TRIO: variants seen among roughly 807,000 people sequenced by gnomAD.
TRIO encodes the protein trio Rho guanine nucleotide exchange factor.
In TRIO, 58 loss-of-function variants were observed where a neutral mutation model predicts 351.9. That is an observed-to-expected ratio of 0.16 (90% CI 0.13 to 0.21). The LOEUF (loss-of-function observed/expected upper bound fraction) is 0.21, where lower values mean the gene tolerates loss of function less well. Ranked by LOEUF, TRIO falls within the 10% of genes least tolerant of loss-of-function variation. The pLI, the probability that TRIO is intolerant of heterozygous loss-of-function variation, is 1.00. For synonymous variants in TRIO, 1,758 were observed against 1,595.7 expected, an observed-to-expected ratio of 1.10 and a Z score of -2.42; for missense variants, 3,201 against 4,027.8, an observed-to-expected ratio of 0.79 and a Z score of 5.56.
rs1317934740 is a variant in TRIO, at chr5:14,286,800, C to T, written c.348-71C>T. ...GGAGGGAAGCTGGGTCTGTGGCACC[C>T]AGTGGGACTCTGACCAGGCAGAGTG... On this transcript the variant is annotated intron_variant, in intron 3 of 56. Transcript: ENST00000344204. This position sits in a 1 kb window ranked among gnomAD's most constrained non-coding sequence, Gnocchi z 4.4. 6.6e-7 allele frequency: 1 copy of T among 1,523,734 alleles called. No individual in the cohort carries two copies. The highest frequency in any genetic ancestry group is 8.9e-7 in the Non-Finnish European group (1 of 1,126,950). The allele number at this position is 1,523,734 out of a possible 1,614,324, so 94.4% of individuals were successfully genotyped here. A position where few individuals can be genotyped will look rare whatever the true frequency, so the allele number is the denominator to read the frequency against.
rs752250789 is a variant in TRIO at position 14,498,126 on chromosome 5, G to T, written c.8085G>T (p.Thr2695=). 1.9e-6 allele frequency: 3 copies of T among 1,614,054 alleles called. No homozygotes were observed. Among genetic ancestry groups the T allele is most frequent in the Non-Finnish European group, 2.5e-6 (3 of 1,180,050 alleles). The part of the protein sequence containing the change: ...PEFVIPLSEV[T]CETGETVVLR... ...TCGTCATTCCATTGAGTGAGGTCACGTGTGAGACAGGGGAGACCGTTGTTC... is the reference window on the plus strand; with the variant it reads ...TCGTCATTCCATTGAGTGAGGTCACTTGTGAGACAGGGGAGACCGTTGTTC... The change falls in exon 52 of 57, where the codon ACG becomes ACT. Residue 2695 remains threonine, a synonymous_variant. Coordinates refer to ENST00000344204, the MANE Select transcript of TRIO (RefSeq NM_007118.4).
At chr5:14,227,746 G>A (rs1280405773) in intron 1 of TRIO, among the ~76,000 whole-genome samples, 3 of 152,106 alleles carry the variant, frequency 2.0e-5, no homozygotes, top group African/African-American at 4.8e-5. Flanking sequence ...AATCTGATAC[G>A]GACTCTTAAC....
intron 4 of TRIO, among the ~76,000 whole-genome samples, chr5:14,289,175 C>T (rs1736699178): frequency 6.6e-6 from 1 of 151,788 alleles, no homozygotes; most frequent in Non-Finnish European, 1.5e-5. Context: ...ATCACAAGGT[C>T]AGGAGTTCGA....
At chr5:14,391,689 A>G (rs1747095916) in intron 27 of TRIO, among the ~76,000 whole-genome samples, 1 of 152,248 alleles carries the variant, frequency 6.6e-6, no homozygotes, top group African/African-American at 2.4e-5. Flanking sequence ...GCTATTGAAT[A>G]GTGTGCATAG....
rs1222156221 is a variant in TRIO at position 14,492,558 on chromosome 5, C to T, written c.7633-9C>T. 1.2e-6 allele frequency: 2 copies of T among 1,613,688 alleles called. No homozygotes were observed. Among genetic ancestry groups the T allele is most frequent in the African/African-American group, 2.7e-5 (2 of 74,984 alleles). ...CTGCCTTTCTCTGTCTTCATCTGTC[C>T]CTCTGCAGAGTGAAAGCAGCAGCAG... On this transcript the variant is annotated splice_polypyrimidine_tract_variant and intron_variant, in intron 48 of 56. Transcript: ENST00000344204.
At chr5:14,205,237 C>A (rs1388586306) in intron 1 of TRIO, among the ~76,000 whole-genome samples, 2 of 152,210 alleles carry the variant, frequency 1.3e-5, no homozygotes, top group Non-Finnish European at 2.9e-5. Flanking sequence ...CTTAGCACAT[C>A]CACCGCATGC....
intron 11 of TRIO, among the ~76,000 whole-genome samples, chr5:14,354,619 G>C (rs1285832027): frequency 1.3e-5 from 2 of 152,250 alleles, no homozygotes; most frequent in Non-Finnish European, 2.9e-5. Context: ...TAGAGTGTCA[G>C]CTGTTTTCTG....
intron 3 of TRIO, among the ~76,000 whole-genome samples, chr5:14,284,657 GC>G (rs1377270460): frequency 6.6e-6 from 1 of 152,150 alleles, no homozygotes; most frequent in African/African-American, 2.4e-5. Flanking sequence ...AAGTAGAGGG[GC>G]TTTGTAGTTC....
At chr5:14,288,332 C>CCT (rs1206949297) in intron 4 of TRIO, among the ~76,000 whole-genome samples, 1 of 152,150 alleles carries the variant, frequency 6.6e-6, no homozygotes, top group Non-Finnish European at 1.5e-5. Context: ...TTGTTACCAG[C>CCT]CTCTCTCTCC....
At chr5:14,383,693 C>T (rs555543383) in intron 21 of TRIO, among the ~76,000 whole-genome samples, 55 of 152,164 alleles carry the variant, frequency 3.6e-4, no homozygotes, top group African/African-American at 1.3e-3. Flanking sequence ...GAAAAGAACA[C>T]CCCTCACCTT....
In TRIO at chr5:14,411,187, C is replaced by T. The variant is rs564573509; in HGVS notation, c.4959+4515C>T. Among the ~76,000 whole-genome samples the T allele has an allele frequency of 2.0e-5, 3 of 152,292 alleles. No homozygotes were observed. The South Asian group carries it at 6.2e-4, about 32-fold the overall frequency. On this transcript the variant is annotated intron_variant, in intron 33 of 56. Coordinates refer to ENST00000344204, the MANE Select transcript of TRIO (RefSeq NM_007118.4). ...CATGCATTTAATCATCTGTCATTTT[C>T]CAGGCCTTATTATTTCATGCAAGAG...
chr5:14,154,958 G>C (rs1788024981), intron 1 of TRIO, among the ~76,000 whole-genome samples: 1 of 152,168 alleles, frequency 6.6e-6, no homozygotes, highest in South Asian at 2.1e-4. Context: ...ACCCTGGGTT[G>C]CTTTTGACCT....
rs1026712774 is a variant in TRIO at position 14,497,737 on chromosome 5, G to A, written c.8020-110G>A. 7.1e-7 allele frequency: 1 copy of A among 1,404,306 alleles called. No individual in the cohort carries two copies. The highest frequency in any genetic ancestry group is 1.4e-5 in the African/African-American group (1 of 70,632). The allele number at this position is 1,404,306 out of a possible 1,614,324, so 87.0% of individuals were successfully genotyped here. A position where few individuals can be genotyped will look rare whatever the true frequency, so the allele number is the denominator to read the frequency against. On this transcript the variant is annotated intron_variant, in intron 50 of 56. Coordinates refer to ENST00000344204, the MANE Select transcript of TRIO (RefSeq NM_007118.4). The surrounding 1 kb of genome is among the most constrained non-coding windows in gnomAD (Gnocchi z 4.4). ...GTGGTCTGTTTTGATTGATGCCCAG[G>A]CAAGTCAGTTTCTGCAAATCTTTCA...
At chr5:14,504,721 C>T in intron 55 of TRIO, 128 bp downstream of exon 55, 1 of 1,191,760 alleles carries the variant, frequency 8.4e-7, no homozygotes, top group Non-Finnish European at 1.2e-6. Context: ...TAAAAAACAT[C>T]TTCACTGTCA....
Position 14,487,980 on chromosome 5 carries a change from C to A in TRIO, c.7352C>A (p.Ala2451Asp), listed in dbSNP as rs753390682. Residue 2451 changes from alanine (A) to aspartate (D), a missense_variant, in exon 48 of 57, where the codon GCC (alanine) becomes GAC (aspartate). This residue lies in a region of TRIO where 1,089 missense variants were observed against 954.9 expected (regional missense o/e 1.14). Transcript: ENST00000344204. ...LGTLPLGKPR[A>D]GAASPLNSPL... ...ACCCTGCCGCTTGGGAAGCCCCGGGCCGGGGCCGCTTCGCCGCTGAACTCG... is the reference window on the plus strand; with the variant it reads ...ACCCTGCCGCTTGGGAAGCCCCGGGACGGGGCCGCTTCGCCGCTGAACTCG... 8.0e-5 allele frequency: 125 copies of A among 1,555,868 alleles called. 2 individuals are homozygous for A. The highest frequency in any genetic ancestry group is 4.4e-4 in the East Asian group (18 of 41,248).
At chr5:14,281,647 G>A (rs1271832008) in intron 3 of TRIO, among the ~76,000 whole-genome samples, 1 of 152,146 alleles carries the variant, frequency 6.6e-6, no homozygotes, top group Non-Finnish European at 1.5e-5. Flanking sequence ...GTGTGTTGCA[G>A]GTTGGAGGGG....
intron 1 of TRIO, among the ~76,000 whole-genome samples, chr5:14,190,497 G>C (rs965158538): frequency 5.3e-5 from 8 of 152,172 alleles, no homozygotes; most frequent in East Asian, 1.9e-4. Context: ...AGAAATCTGA[G>C]TCAGTCTGAG....
intron 1 of TRIO, among the ~76,000 whole-genome samples, chr5:14,258,481 A>T (rs1002911738): frequency 6.6e-6 from 1 of 152,194 alleles, no homozygotes; most frequent in Non-Finnish European, 1.5e-5. Context: ...TTTTTAGTAG[A>T]TAAGATACTG....
chr5:14,330,529 A>T (rs1740815262), intron 9 of TRIO, among the ~76,000 whole-genome samples: 1 of 152,266 alleles, frequency 6.6e-6, no homozygotes, highest in African/African-American at 2.4e-5. Flanking sequence ...ATGTTTATAC[A>T]TAGAAAGGTT....
Sources: allele counts gnomAD v4.1 joint callset (sites outside exome capture counted in the v4.1 genomes callset), GRCh38; gene constraint gnomAD v4.1.1; regional missense constraint gnomAD v4.1.1; non-coding constraint Gnocchi (gnomAD v3.1); transcripts MANE v1.5; gene names NCBI Gene and HGNC (gene_info 2026-07-23, HGNC 2026-07-21).